Variants in GLIS3 observed in about 807,000 individuals in gnomAD.
GLIS3 encodes GLIS family zinc finger 3, also known as zinc finger protein GLIS3.
GLIS3 carries 53 observed loss-of-function variants against 78.6 expected under a neutral mutation model. The observed-to-expected ratio is 0.67, with a 90% CI of 0.54 to 0.85. The LOEUF (loss-of-function observed/expected upper bound fraction) is 0.85, where lower values mean the gene tolerates loss of function less well. GLIS3 is among the 40% of genes least tolerant of loss of function. The pLI is 0.00. For synonymous variants in GLIS3, 684 were observed against 509.9 expected, an observed-to-expected ratio of 1.34 and a Z score of -4.60; for missense variants, 1,703 against 1,231.1, an observed-to-expected ratio of 1.38 and a Z score of -5.74.
At chr9:4,145,619 G>A (rs10119221) in intron 2 of GLIS3, among the ~76,000 whole-genome samples, 90,424 of 151,530 alleles carry the variant, frequency 0.6, 27,366 homozygotes, top group South Asian at 0.72. Context: ...TTTACAGCCC[G>A]ACTCTGAGAG....
Position 4,023,997 on chromosome 9 carries a change from C to G in GLIS3, c.1711-86808G>C, listed in dbSNP as rs189827215. On this transcript the variant is annotated intron_variant, in intron 4 of 10. Transcript: ENST00000381971. ...ATGAAGAGTAAGACCATGTTTCATTCATAGAGGATAAAATTAAGAAGGAAA... is the reference window on the plus strand; with the variant it reads ...ATGAAGAGTAAGACCATGTTTCATTGATAGAGGATAAAATTAAGAAGGAAA... Among the ~76,000 whole-genome samples the G allele has an allele frequency of 2.3e-3, 343 of 148,754 alleles. 1 individual carries two copies. Among genetic ancestry groups the G allele is most frequent in the South Asian group, 7.7e-3 (36 of 4,676 alleles).
intron 2 of GLIS3, among the ~76,000 whole-genome samples, chr9:4,245,340 C>G (rs1823705793): frequency 6.6e-6 from 1 of 152,230 alleles, no homozygotes; most frequent in Admixed American, 6.5e-5. Flanking sequence ...GTAAAAGTCA[C>G]AGTTGCCTAG....
rs73388240 is a variant in GLIS3 at position 3,998,202 on chromosome 9, C to G, written c.1711-61013G>C. On this transcript the variant is annotated intron_variant, in intron 4 of 10. Coordinates refer to ENST00000381971, the MANE Select transcript of GLIS3 (RefSeq NM_001042413.2). ...ATCTTAGTCTTTCCCTAATCCAGATCTGGAAGTAGCCATTTGTATAAAAAG... is the reference window on the plus strand; with the variant it reads ...ATCTTAGTCTTTCCCTAATCCAGATGTGGAAGTAGCCATTTGTATAAAAAG... Among the ~76,000 whole-genome samples, 496 of 152,240 alleles carry G rather than the reference C, an allele frequency of 3.3e-3. 4 individuals carry two copies. Among genetic ancestry groups the G allele is most frequent in the African/African-American group, 0.011 (475 of 41,544 alleles).
intron 2 of GLIS3, among the ~76,000 whole-genome samples, chr9:4,234,091 T>G (rs1822505619): frequency 6.6e-6 from 1 of 152,058 alleles, no homozygotes; most frequent in South Asian, 2.1e-4. Context: ...TCAGTATGAC[T>G]GTCCATCCAG....
the GLIS3 span, among the ~76,000 whole-genome samples, chr9:4,366,962 A>G: frequency 2.6e-5 from 4 of 152,340 alleles, no homozygotes; most frequent in South Asian, 8.3e-4. Flanking sequence ...ACTTTCCAGC[A>G]GAAAGACATC....
chr9:4,354,443 C>T, the GLIS3 span, among the ~76,000 whole-genome samples: 4 of 152,214 alleles, frequency 2.6e-5, no homozygotes, highest in Non-Finnish European at 5.9e-5. Flanking sequence ...TTTTCTTTTG[C>T]TATATTTAAC....
chr9:4,209,942 C>T (rs1460275163), intron 2 of GLIS3, among the ~76,000 whole-genome samples: 1 of 152,134 alleles, frequency 6.6e-6, no homozygotes, highest in Non-Finnish European at 1.5e-5. Flanking sequence ...GACAAGACAT[C>T]CCATCCCCTC....
chr9:4,087,003 T>C (rs992338637), intron 4 of GLIS3, among the ~76,000 whole-genome samples: 9 of 152,210 alleles, frequency 5.9e-5, no homozygotes, highest in African/African-American at 1.9e-4. Context: ...CCTAGTTTAG[T>C]GCTATGTGTA....
Position 3,898,784 on chromosome 9 carries a change from C to G in GLIS3, c.2035G>C (p.Val679Leu). The stretch of plus-strand genomic sequence containing the variant: ...GAAGTGGCCGGCTGCAGGGACTGCA[C>G]GGTGAGGCAATCTGTGAGCAGGTCT... ...HPDLLTDCLT[V>L]QSLQPATSPR... The change falls in exon 7 of 11, where the codon GTG becomes CTG. Residue 679 changes from valine (V) to leucine (L), a missense_variant. Physicochemically the swap from Val to Leu is conservative, Grantham distance 32 (BLOSUM62 1). Transcript: ENST00000381971. The G allele has an allele frequency of 6.2e-7, 1 of 1,614,146 alleles. No homozygotes were observed. Among genetic ancestry groups the G allele is most frequent in the South Asian group, 1.1e-5 (1 of 91,068 alleles).
chr9:4,147,547 C>T (rs1274010892), intron 2 of GLIS3: 1 of 152,250 alleles, frequency 6.6e-6, no homozygotes. Flanking sequence ...GGGCTACTTG[C>T]TCTTTGGTTT....
chr9:4,473,297 G>C, the GLIS3 span, among the ~76,000 whole-genome samples: 2 of 151,814 alleles, frequency 1.3e-5, no homozygotes, highest in African/African-American at 4.8e-5. Context: ...AATACAAAAA[G>C]TAGCTGAGCA....
chr9:4,338,401 C>CACAT (rs1817786635), intron 2 of GLIS3, among the ~76,000 whole-genome samples: 1 of 151,554 alleles, frequency 6.6e-6, no homozygotes, highest in Non-Finnish European at 1.5e-5. Flanking sequence ...CACACACACA[C>CACAT]ACACACACAA....
chr9:4,146,763 G>C (rs1168682041), intron 2 of GLIS3, among the ~76,000 whole-genome samples: 1 of 152,100 alleles, frequency 6.6e-6, no homozygotes, highest in Admixed American at 6.6e-5. Context: ...TGTCTTTAAT[G>C]CAAGAATTAG....
intron 4 of GLIS3, among the ~76,000 whole-genome samples, chr9:4,098,421 A>C (rs1830125018): frequency 6.6e-6 from 1 of 152,210 alleles, no homozygotes; most frequent in Non-Finnish European, 1.5e-5. Flanking sequence ...TCCATGAGCA[A>C]GATCGATACA....
the GLIS3 span, among the ~76,000 whole-genome samples, chr9:4,462,272 G>A: frequency 6.6e-6 from 1 of 152,164 alleles, no homozygotes; most frequent in Non-Finnish European, 1.5e-5. Flanking sequence ...GACAAGCCCA[G>A]AAATTAGGAA....
chr9:4,241,428 T>A (rs1355470612), intron 2 of GLIS3, among the ~76,000 whole-genome samples: 1 of 152,208 alleles, frequency 6.6e-6, no homozygotes, highest in African/African-American at 2.4e-5. Flanking sequence ...GAATAATTTA[T>A]TGTATTTTTC....
intron 2 of GLIS3, among the ~76,000 whole-genome samples, chr9:4,345,757 T>C (rs1252548758): frequency 4.6e-5 from 7 of 152,184 alleles, no homozygotes; most frequent in Non-Finnish European, 1.5e-5. Flanking sequence ...TTGAAATATG[T>C]AGGTAACCAC....
the GLIS3 span, among the ~76,000 whole-genome samples, chr9:4,412,034 G>A: frequency 1.3e-5 from 2 of 152,198 alleles, no homozygotes; most frequent in African/African-American, 2.4e-5. Context: ...TGAGAAGGTT[G>A]TCAAATCCTT....
chr9:4,306,435 G>A (rs915256510), intron 4 of GLIS3, among the ~76,000 whole-genome samples: 3 of 152,178 alleles, frequency 2.0e-5, no homozygotes, highest in Non-Finnish European at 2.9e-5. Flanking sequence ...CCCTGTGAGG[G>A]TCAGATAGAG....
Sources: gnomAD v4.1 joint callset for allele counts (sites outside exome capture counted in the v4.1 genomes callset) on GRCh38, gnomAD v4.1.1 for gene constraint, MANE v1.5 for transcripts, NCBI Gene and HGNC (gene_info 2026-07-23, HGNC 2026-07-21) for gene names.